RFTN1: variants seen among roughly 807,000 people sequenced by gnomAD.
RFTN1 encodes raftlin.
RFTN1 carries 26 observed loss-of-function variants against 46.5 expected under a neutral mutation model. The observed-to-expected ratio is 0.56, with a 90% CI of 0.41 to 0.78. RFTN1 has a LOEUF of 0.78. RFTN1 is among the 30% of genes least tolerant of loss of function. The pLI is 0.00. For synonymous variants in RFTN1, 261 were observed against 284.2 expected (o/e 0.92, Z 0.82); for missense variants, 693 against 718.7 (o/e 0.96, Z 0.41).
chr3:16,488,774 G>A (rs1006263550), intron 2 of RFTN1, among the ~76,000 whole-genome samples: 25 of 152,114 alleles, frequency 1.6e-4, no homozygotes, highest in Admixed American at 6.6e-4. Context: ...ACTTAACCTC[G>A]CTGAGTATCC....
At chr3:16,493,548 G>A (rs2076576261) in intron 2 of RFTN1, among the ~76,000 whole-genome samples, 177 bp downstream of exon 2, 2 of 152,112 alleles carry the variant, frequency 1.3e-5, no homozygotes, top group Admixed American at 6.6e-5. Context: ...TTTTTAAAAA[G>A]TGAGAGATTT....
chr3:16,419,957 T>C (rs1559337719), intron 3 of RFTN1, among the ~76,000 whole-genome samples: 1 of 152,176 alleles, frequency 6.6e-6, no homozygotes, highest in Non-Finnish European at 1.5e-5. Flanking sequence ...CACTACACAC[T>C]CTCTCAGGGA....
chr3:16,445,481 T>TCACA (rs752631378), intron 2 of RFTN1, among the ~76,000 whole-genome samples: 1,142 of 54,914 alleles, frequency 0.021, 5 homozygotes, highest in Middle Eastern at 0.051. Context: ...TCTCTCTCTC[T>TCACA]CTCACACACA....
intron 2 of RFTN1, among the ~76,000 whole-genome samples, chr3:16,434,389 C>CAAAA (rs770025623): frequency 7.9e-5 from 8 of 100,856 alleles, no homozygotes; most frequent in Admixed American, 4.2e-4. Context: ...AACAAACAAA[C>CAAAA]AAACAAAAAC....
At chr3:16,358,123 AT>A in intron 6 of RFTN1, 76 bp from the exon 7 acceptor site, 1 of 793,058 alleles carries the variant, frequency 1.3e-6, no homozygotes, top group Non-Finnish European at 2.2e-6. Context: ...AGCAGCAAAC[AT>A]TTCCACTGCA....
intron 3 of RFTN1, among the ~76,000 whole-genome samples, chr3:16,420,166 G>A (rs867828346): frequency 9.9e-5 from 15 of 152,126 alleles, no homozygotes; most frequent in African/African-American, 2.4e-4. Context: ...ACTTTGCCTC[G>A]GTGCTCCCTG....
intron 3 of RFTN1, among the ~76,000 whole-genome samples, chr3:16,415,716 G>A (rs6776190): frequency 5.5e-4 from 84 of 152,130 alleles, no homozygotes; most frequent in Non-Finnish European, 1.1e-3. Context: ...AAGAGAACAC[G>A]TTTGTTTTCC....
rs1026764043 is a variant in RFTN1 at position 16,338,247 on chromosome 3, C to G, written c.1147-11371G>C. Among the ~76,000 whole-genome samples, 1 of 152,238 alleles carries G rather than the reference C, an allele frequency of 6.6e-6. No homozygotes were observed. Among genetic ancestry groups the G allele is most frequent in the Non-Finnish European group, 1.5e-5 (1 of 68,054 alleles). On this transcript the variant is annotated intron_variant, in intron 7 of 9. Transcript: ENST00000334133. This position sits in a 1 kb window ranked among gnomAD's most constrained non-coding sequence, Gnocchi z 5.3. ...TTATTATCAGGGGTGTCTGCCCACA[C>G]ACACCTGCATGAGCAGAATGAGAAC...
At chr3:16,455,818 C>T (rs552279481) in intron 2 of RFTN1, among the ~76,000 whole-genome samples, 9 of 152,294 alleles carry the variant, frequency 5.9e-5, no homozygotes, top group African/African-American at 9.6e-5. Flanking sequence ...AATTCTACAT[C>T]GGCTGTTCTG....
chr3:16,377,580 A>G, intron 5 of RFTN1, 138 bp downstream of exon 5: 1 of 1,369,240 alleles, frequency 7.3e-7, no homozygotes. Flanking sequence ...ACTGCTTGAT[A>G]AAGTTTCTCC....
rs575450351 is a variant in RFTN1 at position 16,353,003 on chromosome 3, G to A, written c.1146+4929C>T. The stretch of plus-strand genomic sequence containing the variant: ...AAGCCAGCGAGACAGGGTGGAATTG[G>A]AATGGCACATCTACACAGAGCTGAG... On this transcript the variant is annotated intron_variant, in intron 7 of 9. Coordinates refer to ENST00000334133, the MANE Select transcript of RFTN1 (RefSeq NM_015150.2). The surrounding 1 kb of genome is among the most constrained non-coding windows in gnomAD (Gnocchi z 5.4). 6.6e-6 allele frequency among the ~76,000 whole-genome samples: 1 copy of A among 151,264 alleles called. No individual in the cohort carries two copies. Among genetic ancestry groups the A allele is most frequent in the Non-Finnish European group, 1.5e-5 (1 of 67,764 alleles).
chr3:16,398,244 C>CAAAAAAAAAAAAAAAAAAAA (rs202032095), intron 4 of RFTN1, among the ~76,000 whole-genome samples: 28 of 110,920 alleles, frequency 2.5e-4, no homozygotes, highest in African/African-American at 7.1e-4. Context: ...AAGACTGTCT[C>CAAAAAAAAAAAAAAAAAAAA]AAAAAAAAAA....
intron 2 of RFTN1, 71 bp downstream of exon 2, chr3:16,493,654 C>T: frequency 1.5e-6 from 2 of 1,300,788 alleles, no homozygotes; most frequent in Non-Finnish European, 2.1e-6. Flanking sequence ...TCTCCAACTG[C>T]ACCCCCATCC....
Position 16,385,070 on chromosome 3 carries a change from G to GC in RFTN1, c.442-6969dup, listed in dbSNP as rs992707972. Among the ~76,000 whole-genome samples the GC allele has an allele frequency of 1.3e-5, 2 of 151,934 alleles. No homozygotes were observed. Among genetic ancestry groups the GC allele is most frequent in the Admixed American group, 6.6e-5 (1 of 15,256 alleles). On this transcript the variant is annotated intron_variant, in intron 4 of 9. Coordinates refer to ENST00000334133, the MANE Select transcript of RFTN1 (RefSeq NM_015150.2). The surrounding 1 kb of genome is among the most constrained non-coding windows in gnomAD (Gnocchi z 5.0). Reference sequence around the variant, plus strand: ...TCCGGCCCTCCCTCATAACTCACACGCCCCCGATCCGTGACAACATAGCAC... The same window carrying GC: ...TCCGGCCCTCCCTCATAACTCACACGCCCCCCGATCCGTGACAACATAGCAC...
chr3:16,500,078 C>A lies in RFTN1; in HGVS notation c.-8-6201G>T, dbSNP rs79915962. Among the ~76,000 whole-genome samples, 3 of 152,312 alleles carry A rather than the reference C, an allele frequency of 2.0e-5. No homozygotes were observed. The highest frequency in any genetic ancestry group is 1.3e-4 in the Admixed American group (2 of 15,310). On this transcript the variant is annotated intron_variant, in intron 1 of 9. Transcript: ENST00000334133. The surrounding 1 kb of genome is among the most constrained non-coding windows in gnomAD (Gnocchi z 5.9). Reference sequence around the variant, plus strand: ...GCCCACTAGGTGGAATCATGCCCAGCGGTGCTATTCACTGACTTTTTCTCT... The same window carrying A: ...GCCCACTAGGTGGAATCATGCCCAGAGGTGCTATTCACTGACTTTTTCTCT...
At chr3:16,357,071 C>T (rs144182379) in intron 7 of RFTN1, among the ~76,000 whole-genome samples, 5,250 of 150,290 alleles carry the variant, frequency 0.035, 106 homozygotes, top group Middle Eastern at 0.082. Context: ...GCCAAGATCG[C>T]GCCACTGCAC....
At chr3:16,412,063 T>G (rs910786551) in intron 3 of RFTN1, among the ~76,000 whole-genome samples, 2 of 152,178 alleles carry the variant, frequency 1.3e-5, no homozygotes, top group Non-Finnish European at 1.5e-5. Flanking sequence ...TTTCTTCAAA[T>G]AATTAACTCA....
Position 16,403,771 on chromosome 3 carries a change from TAA to T in RFTN1, c.441+5602_441+5603del, listed in dbSNP as rs1281288487. On this transcript the variant is annotated intron_variant, in intron 4 of 9. Transcript: ENST00000334133. The stretch of plus-strand genomic sequence containing the variant: ...TATTATATATAAAATATATAATATA[TAA>T]TATATATTATATATTTTATATATAA... Among the ~76,000 whole-genome samples, 3 of 18,168 alleles carry T rather than the reference TAA, an allele frequency of 1.7e-4. 1 individual carries two copies. The highest frequency in any genetic ancestry group is 2.5e-4 in the Non-Finnish European group (3 of 11,838). 11.9% of individuals were successfully genotyped at this position (18,168 alleles called of 152,430 possible). A position where few individuals can be genotyped will look rare whatever the true frequency, so the allele number is the denominator to read the frequency against.
chr3:16,394,757 T>A (rs2074430222), intron 4 of RFTN1, among the ~76,000 whole-genome samples: 1 of 152,140 alleles, frequency 6.6e-6, no homozygotes, highest in Non-Finnish European at 1.5e-5. Flanking sequence ...AAGAGCAATG[T>A]GAAGTGTTTC....
Sources: gnomAD v4.1 joint callset for allele counts (sites outside exome capture counted in the v4.1 genomes callset) on GRCh38, gnomAD v4.1.1 for gene constraint, Gnocchi (gnomAD v3.1) non-coding constraint, MANE v1.5 for transcripts, NCBI Gene and HGNC (gene_info 2026-07-23, HGNC 2026-07-21) for gene names.